APOBR: variants seen among roughly 807,000 people sequenced by gnomAD.
APOBR encodes apoB-48R.
A neutral mutation model predicts 88.5 loss-of-function variants in APOBR; 57 were observed. The ratio of observed to expected loss-of-function variants is 0.64; its 90% CI spans 0.52 to 0.80. APOBR has a LOEUF of 0.80. Ranked by LOEUF, APOBR falls within the 30% of genes least tolerant of loss-of-function variation. APOBR has a pLI of 0.00. For synonymous variants in APOBR, 588 were observed against 572.7 expected (o/e 1.03, Z -0.38); for missense variants, 1,443 against 1,401.6 (o/e 1.03, Z -0.47).
rs1171692977 is a variant in APOBR, at chr16:28,498,765, C to T, written c.*260C>T. On this transcript the variant is annotated 3_prime_UTR_variant, in exon 4 of 4. Coordinates refer to ENST00000564831, the MANE Select transcript of APOBR (RefSeq NM_018690.4). Reference sequence around the variant, plus strand: ...CCTCTCAGGGTGCCTGCCCTGGTTCCTCCCCAGCCTGAGTCAGCTGTCTGG... The same window carrying T: ...CCTCTCAGGGTGCCTGCCCTGGTTCTTCCCCAGCCTGAGTCAGCTGTCTGG... The T allele has an allele frequency of 5.2e-6, 3 of 580,530 alleles. No individual in the cohort carries two copies. Among genetic ancestry groups the T allele is most frequent in the South Asian group, 4.0e-5 (2 of 49,618 alleles). The allele number at this position is 580,530 out of a possible 1,614,324, so 36.0% of individuals were successfully genotyped here. A position where few individuals can be genotyped will look rare whatever the true frequency, so the allele number is the denominator to read the frequency against.
chr16:28,497,700 GA>G lies in APOBR; in HGVS notation c.2660del (p.Glu887GlyfsTer38), dbSNP rs747073317. 48 of 1,604,134 alleles carry G rather than the reference GA, an allele frequency of 3.0e-5. No homozygotes were observed. The highest frequency in any genetic ancestry group is 4.1e-5 in the Non-Finnish European group (48 of 1,175,506). ...AGAAAAGTGGACGCTGTTGGAAGAAGAGGCTGTTGGATGGCAGGAGAGAGAA... is the reference window on the plus strand; with the variant it reads ...AGAAAAGTGGACGCTGTTGGAAGAAGGGCTGTTGGATGGCAGGAGAGAGAA... The part of the protein sequence containing the change: ...LLEKWTLLEE[E>X]AVGWQEREQR... On this transcript the variant is annotated frameshift_variant, in exon 2 of 4. Coordinates refer to ENST00000564831, the MANE Select transcript of APOBR (RefSeq NM_018690.4). LOFTEE classifies it high-confidence loss of function.
chr16:28,498,440 G>A lies in APOBR; in HGVS notation c.3229G>A (p.Gly1077Ser). 1 of 1,601,204 alleles carries A rather than the reference G, an allele frequency of 6.2e-7. No homozygotes were observed. The highest frequency in any genetic ancestry group is 1.1e-5 in the South Asian group (1 of 88,518). ...GGGCCTGACTTCCGCCTCCAGGTTT[G>A]GCCTCGCGCACCCTGGCATGATGCA... ...ARRRPLGHGFGLAHPGMMQEL... is the reference protein window; with the variant it reads ...ARRRPLGHGFSLAHPGMMQEL... The change falls in exon 4 of 4, where the codon GGC becomes AGC. Residue 1077 changes from glycine to serine, a missense_variant. Gly to Ser is a moderately conservative substitution (Grantham distance 56). Coordinates refer to ENST00000564831, the MANE Select transcript of APOBR (RefSeq NM_018690.4).
At position 28,495,550 on chromosome 16, in the gene APOBR, A is replaced by G. The variant is rs1373828399; in HGVS notation, c.509A>G (p.Glu170Gly). 1 of 1,567,522 alleles carries G rather than the reference A, an allele frequency of 6.4e-7. No individual in the cohort carries two copies. The highest frequency in any genetic ancestry group is 1.4e-5 in the African/African-American group (1 of 73,904). ...TCCCATGAGCAGGAAGTGAACAGAG[A>G]AGAGAGGCTGAGAAGCTGGGAACAG... ...QESHEQEVNR[E>G]ERLRSWEQEE... Residue 170 changes from glutamate to glycine, a missense_variant, in exon 2 of 4, where the codon GAA (glutamate) becomes GGA (glycine). Glu to Gly is a moderately conservative substitution (Grantham distance 98). Transcript: ENST00000564831.
At chr16:28,495,020 G>A in intron 1 of APOBR, 79 bp from the exon 2 acceptor site, 2 of 1,339,830 alleles carry the variant, frequency 1.5e-6, no homozygotes, top group Non-Finnish European at 2.0e-6. Context: ...CTTAACCTGG[G>A]CTCCTCCAGC....
Position 28,496,762 on chromosome 16 carries a change from C to G in APOBR, c.1721C>G (p.Thr574Ser), listed in dbSNP as rs1360107585. 9 of 1,581,510 alleles carry G rather than the reference C, an allele frequency of 5.7e-6. No individual in the cohort carries two copies. Among genetic ancestry groups the G allele is most frequent in the Non-Finnish European group, 7.7e-6 (9 of 1,164,120 alleles). Reference sequence around the variant, plus strand: ...CTGATGGGGGGCGCCCAGACCCCAACTAAGCAACCCGAGGAAAGGGAGGCA... The same window carrying G: ...CTGATGGGGGGCGCCCAGACCCCAAGTAAGCAACCCGAGGAAAGGGAGGCA... ...PELMGGAQTP[T>S]KQPEEREAGE... The change falls in exon 2 of 4, where the codon ACT (threonine) becomes AGT (serine). Residue 574 changes from threonine (T) to serine (S), a missense_variant. By Grantham distance (58) the Thr-to-Ser change is moderately conservative. Transcript: ENST00000564831.
chr16:28,498,580 T>A lies in APOBR; in HGVS notation c.*75T>A. The A allele has an allele frequency of 6.7e-7, 1 of 1,487,486 alleles. No homozygotes were observed. Among genetic ancestry groups the A allele is most frequent in the Non-Finnish European group, 9.1e-7 (1 of 1,103,018 alleles). The allele number at this position is 1,487,486 out of a possible 1,614,324, so 92.1% of individuals were successfully genotyped here. On this transcript the variant is annotated 3_prime_UTR_variant, in exon 4 of 4. Coordinates refer to ENST00000564831, the MANE Select transcript of APOBR (RefSeq NM_018690.4). ...TTGCTCCAATGCCACTGAGCCCTGC[T>A]CCCTCTGCCACTGTGGACACATCCT...
chr16:28,498,608 C>T lies in APOBR; in HGVS notation c.*103C>T. ...CTCTGCCACTGTGGACACATCCTCT[C>T]CACCCTCTGGGCCTCAGTGTCTTGA... On this transcript the variant is annotated 3_prime_UTR_variant, in exon 4 of 4. Coordinates refer to ENST00000564831, the MANE Select transcript of APOBR (RefSeq NM_018690.4). The T allele has an allele frequency of 1.5e-6, 2 of 1,322,092 alleles. No individual in the cohort carries two copies. The highest frequency in any genetic ancestry group is 2.5e-5 in the East Asian group (1 of 39,402). The allele number at this position is 1,322,092 out of a possible 1,614,324, so 81.9% of individuals were successfully genotyped here.
In APOBR at chr16:28,495,142, TC is replaced by T; in HGVS notation, c.105del (p.Thr36LeufsTer2). ...TFVSYLLGDA[V>X]PTVEREAQAA... is the part of the protein sequence containing the mutation. ...GTCTCCTACCTCCTGGGAGATGCAG[TC>T]CCCACTGTAGAGCGGGAGGCGCAGG... is the stretch of plus-strand genomic sequence containing the variant. On this transcript the variant is annotated frameshift_variant, in exon 2 of 4. Coordinates refer to ENST00000564831, the MANE Select transcript of APOBR (RefSeq NM_018690.4). LOFTEE classifies it high-confidence loss of function. 6.4e-7 allele frequency: 1 copy of T among 1,555,862 alleles called. No individual in the cohort carries two copies. The highest frequency in any genetic ancestry group is 8.7e-7 in the Non-Finnish European group (1 of 1,154,852).
At position 28,497,961 on chromosome 16, in the gene APOBR, A is replaced by G. The variant is rs570012365; in HGVS notation, c.2920A>G (p.Ser974Gly). 1.2e-6 allele frequency: 2 copies of G among 1,610,564 alleles called. No individual in the cohort carries two copies. Among genetic ancestry groups the G allele is most frequent in the African/African-American group, 1.3e-5 (1 of 74,798 alleles). ...GEAETAEAMG[S>G]ARGGAANSWS... ...AGCCGAGACGGCTGAGGCCATGGGC[A>G]GTGCCAGAGGAGGTGCTGCCAACAG... The change falls in exon 2 of 4, where the codon AGT (serine) becomes GGT (glycine). Residue 974 changes from serine (S) to glycine (G), a missense_variant. Coordinates refer to ENST00000564831, the MANE Select transcript of APOBR (RefSeq NM_018690.4).
rs1421204229 is a variant in APOBR, at chr16:28,497,871, AG to A, written c.2834del (p.Gly945AlafsTer49). The A allele has an allele frequency of 6.2e-7, 1 of 1,612,498 alleles. No homozygotes were observed. The highest frequency in any genetic ancestry group is 8.5e-7 in the Non-Finnish European group (1 of 1,179,300). On this transcript the variant is annotated frameshift_variant, in exon 2 of 4. Transcript: ENST00000564831. LOFTEE classifies it high-confidence loss of function. Reference protein sequence around the residue: ...ETEPESLEHVRGQEEQPTHQA... With the variant: ...ETEPESLEHVXGQEEQPTHQA... Reference sequence around the variant, plus strand: ...TGAGCCAGAAAGCCTGGAACATGTCAGGGGCCAGGAGGAGCAGCCAACACAC... The same window carrying A: ...TGAGCCAGAAAGCCTGGAACATGTCAGGGCCAGGAGGAGCAGCCAACACAC...
chr16:28,495,095 C>G lies in APOBR; in HGVS notation c.58-4C>G. 6.7e-7 allele frequency: 1 copy of G among 1,494,154 alleles called. No homozygotes were observed. The allele number at this position is 1,494,154 out of a possible 1,614,324, so 92.6% of individuals were successfully genotyped here. On this transcript the variant is annotated splice_polypyrimidine_tract_variant and splice_region_variant and intron_variant, in intron 1 of 3. Coordinates refer to ENST00000564831, the MANE Select transcript of APOBR (RefSeq NM_018690.4). ...CTCTCCCCTCTCTCTCTCTTTTTTC[C>G]TAGGATTCCCTCGGCACCTTTGTCT...
chr16:28,497,000 G>T lies in APOBR; in HGVS notation c.1959G>T (p.Ala653=). The change falls in exon 2 of 4, where the codon GCG becomes GCT. Residue 653 remains alanine (A), a synonymous_variant. Transcript: ENST00000564831. ...AGCAGCGGGAGGAGGAGGAGACTGCGGGAGGCCAGACCCTGGCGGCTGAGG... is the reference window on the plus strand; with the variant it reads ...AGCAGCGGGAGGAGGAGGAGACTGCTGGAGGCCAGACCCTGGCGGCTGAGG... ...DGEQREEEET[A]GGQTLAAEAE... The T allele has an allele frequency of 1.3e-6, 2 of 1,570,490 alleles. No homozygotes were observed. Among genetic ancestry groups the T allele is most frequent in the East Asian group, 2.3e-5 (1 of 43,254 alleles).
Position 28,496,679 on chromosome 16 carries a change from A to G in APOBR, c.1638A>G (p.Leu546=), listed in dbSNP as rs767091967. The G allele has an allele frequency of 1.1e-5, 17 of 1,606,054 alleles. No individual in the cohort carries two copies. Among genetic ancestry groups the G allele is most frequent in the East Asian group, 2.2e-5 (1 of 44,622 alleles). ...ESEAAQTSCG[L]LGVEWGGLTH... Reference sequence around the variant, plus strand: ...AGGCGGCCCAGACTAGCTGTGGCCTACTGGGCGTGGAATGGGGTGGCCTCA... The same window carrying G: ...AGGCGGCCCAGACTAGCTGTGGCCTGCTGGGCGTGGAATGGGGTGGCCTCA... The change falls in exon 2 of 4, where the codon CTA becomes CTG. Residue 546 remains leucine, a synonymous_variant. Transcript: ENST00000564831.
chr16:28,498,798 G>A lies in APOBR; in HGVS notation c.*293G>A. ...CCTGAGTCAGCTGTCTGGACTGCAA[G>A]GAGGCTGGGCACGGGGGCTCACGCC... On this transcript the variant is annotated 3_prime_UTR_variant, in exon 4 of 4. Coordinates refer to ENST00000564831, the MANE Select transcript of APOBR (RefSeq NM_018690.4). 4 of 574,616 alleles carry A rather than the reference G, an allele frequency of 7.0e-6. No homozygotes were observed. Among genetic ancestry groups the A allele is most frequent in the Non-Finnish European group, 9.4e-6 (3 of 318,288 alleles). 35.6% of individuals were successfully genotyped at this position (574,616 alleles called of 1,614,324 possible). A position where few individuals can be genotyped will look rare whatever the true frequency, so the allele number is the denominator to read the frequency against.
In APOBR at chr16:28,497,969, AGGAGGT is replaced by A; in HGVS notation, c.2930_2935del (p.Gly977_Gly978del). On this transcript the variant is annotated inframe_deletion, in exon 2 of 4. Transcript: ENST00000564831. ...CGGCTGAGGCCATGGGCAGTGCCAG[AGGAGGT>A]GCTGCCAACAGCTGGAGCGAGGTGA... 6.2e-7 allele frequency: 1 copy of A among 1,605,854 alleles called. No individual in the cohort carries two copies. Among genetic ancestry groups the A allele is most frequent in the Non-Finnish European group, 8.5e-7 (1 of 1,175,768 alleles).
chr16:28,494,643 A>T lies in APOBR; in HGVS notation c.-39A>T. 6.3e-7 allele frequency: 1 copy of T among 1,592,938 alleles called. No homozygotes were observed. The highest frequency in any genetic ancestry group is 8.6e-7 in the Non-Finnish European group (1 of 1,166,406). On this transcript the variant is annotated 5_prime_UTR_variant, in exon 1 of 4. Transcript: ENST00000564831. ...CTTGTCTTGGTGGGTGGGGACGGTC[A>T]TTATCAGCTTTCTGGACACACAGAC...
rs2046401596 is a variant in APOBR at position 28,497,365 on chromosome 16, C to A, written c.2324C>A (p.Ala775Asp). 3 of 1,611,152 alleles carry A rather than the reference C, an allele frequency of 1.9e-6. No individual in the cohort carries two copies. The highest frequency in any genetic ancestry group is 2.5e-6 in the Non-Finnish European group (3 of 1,178,710). Residue 775 changes from alanine (A) to aspartate (D), a missense_variant, in exon 2 of 4, where the codon GCT (alanine) becomes GAT (aspartate). By Grantham distance (126) the Ala-to-Asp change is moderately radical. Transcript: ENST00000564831. The part of the protein sequence containing the change: ...MGGDVVPHIS[A>D]AGAGEALEGV... ...GGTGATGTGGTCCCACACATCAGCG[C>A]TGCTGGCGCTGGTGAAGCTTTGGAA...
Position 28,498,703 on chromosome 16 carries a change from G to C in APOBR, c.*198G>C, listed in dbSNP as rs1002685253. ...GTGAACTTAAGGAGTCTGATTCTCCGACACAGGCTGGTGGACCACCTACCC... is the reference window on the plus strand; with the variant it reads ...GTGAACTTAAGGAGTCTGATTCTCCCACACAGGCTGGTGGACCACCTACCC... On this transcript the variant is annotated 3_prime_UTR_variant, in exon 4 of 4. Coordinates refer to ENST00000564831, the MANE Select transcript of APOBR (RefSeq NM_018690.4). 1 of 663,118 alleles carries C rather than the reference G, an allele frequency of 1.5e-6. No individual in the cohort carries two copies. Among genetic ancestry groups the C allele is most frequent in the African/African-American group, 1.8e-5 (1 of 55,040 alleles). The allele number at this position is 663,118 out of a possible 1,614,324, so 41.1% of individuals were successfully genotyped here. A position where few individuals can be genotyped will look rare whatever the true frequency, so the allele number is the denominator to read the frequency against.
At position 28,497,394 on chromosome 16, in the gene APOBR, G is replaced by A; in HGVS notation, c.2353G>A (p.Val785Met). 1.9e-6 allele frequency: 3 copies of A among 1,612,846 alleles called. No individual in the cohort carries two copies. The highest frequency in any genetic ancestry group is 2.2e-5 in the South Asian group (2 of 90,888). ...TGGCGCTGGTGAAGCTTTGGAAGGG[G>A]TGCTTGGGCAAGGCTGGGACTCGAA... ...AAGAGEALEG[V>M]LGQGWDSKEK... is the part of the protein sequence containing the mutation. Residue 785 changes from valine (V) to methionine (M), a missense_variant, in exon 2 of 4, where the codon GTG becomes ATG. Physicochemically the swap from Val to Met is conservative, Grantham distance 21. Coordinates refer to ENST00000564831, the MANE Select transcript of APOBR (RefSeq NM_018690.4).
Sources: allele counts gnomAD v4.1 joint callset, GRCh38; gene constraint gnomAD v4.1.1; transcripts MANE v1.5; gene names NCBI Gene and HGNC (gene_info 2026-07-23, HGNC 2026-07-21).